FOXP2: variants seen among roughly 807,000 people sequenced by gnomAD.
FOXP2 encodes forkhead box P2, also known as forkhead box protein P2.
In FOXP2, 12 loss-of-function variants were observed where a neutral mutation model predicts 115.8. The observed-to-expected ratio is 0.10, with a 90% CI of 0.07 to 0.17. FOXP2 has a LOEUF of 0.17. Among genes scored for constraint, FOXP2 ranks in the 10% least tolerant of loss-of-function variants. The pLI is 1.00. For missense variants in FOXP2, 629 were observed against 843.5 expected, an observed-to-expected ratio of 0.75 and a Z score of 3.15; for synonymous variants, 328 against 297.7, an observed-to-expected ratio of 1.10 and a Z score of -1.05.
upstream of FOXP2, among the ~76,000 whole-genome samples, chr7:114,159,615 G>A (rs1259463600): frequency 6.6e-6 from 1 of 152,018 alleles, no homozygotes; most frequent in Non-Finnish European, 1.5e-5. Flanking sequence ...CTTCTGAGAG[G>A]GAAAGGGATA....
chr7:114,393,358 G>T (rs758765033), intron 2 of FOXP2, among the ~76,000 whole-genome samples: 77 of 151,878 alleles, frequency 5.1e-4, no homozygotes, highest in Non-Finnish European at 1.3e-4. Flanking sequence ...AATGGTAGGT[G>T]TCTGTTCCAG....
intron 2 of FOXP2, among the ~76,000 whole-genome samples, chr7:114,344,929 A>G (rs1791307827): frequency 6.6e-6 from 1 of 151,714 alleles, no homozygotes. Flanking sequence ...TTAAACCACC[A>G]TTTCCCTTTT....
Position 114,690,133 on chromosome 7 carries a change from T to A in FOXP2, c.*207T>A. On this transcript the variant is annotated 3_prime_UTR_variant, in exon 17 of 17. Transcript: ENST00000350908. ...TGTTTTCTTCTTCTTCTTCTTCTTT[T>A]TTTTTTTTTTTTTAGAAAAAAAGAC... The A allele has an allele frequency of 4.5e-6, 2 of 448,878 alleles. No homozygotes were observed. The highest frequency in any genetic ancestry group is 8.4e-6 in the Non-Finnish European group (2 of 237,726). 27.8% of individuals were successfully genotyped at this position (448,878 alleles called of 1,614,324 possible).
intron 1 of FOXP2, among the ~76,000 whole-genome samples, chr7:114,119,196 G>A (rs1295177109): frequency 6.6e-6 from 1 of 152,098 alleles, no homozygotes; most frequent in African/African-American, 2.4e-5. Context: ...ACCAGAGTCT[G>A]CTGAGTATTC....
At position 114,570,699 on chromosome 7, in the gene FOXP2, A is replaced by G. The variant is rs1167775657; in HGVS notation, c.258+35993A>G. The G allele has an allele frequency of 1.2e-5, 10 of 823,446 alleles. No individual in the cohort carries two copies. In the Admixed American group the frequency reaches 1.3e-4, roughly 11 times the overall value. The allele number at this position is 823,446 out of a possible 1,614,324, so 51.0% of individuals were successfully genotyped here. A position where few individuals can be genotyped will look rare whatever the true frequency, so the allele number is the denominator to read the frequency against. ...ATATTCTTCCCTATTTTGACCTACC[A>G]AGATAATAATTCCAAAAAATGATTT... is the stretch of plus-strand genomic sequence containing the variant. On this transcript the variant is annotated intron_variant, in intron 3 of 16. Transcript: ENST00000350908.
intron 2 of FOXP2, among the ~76,000 whole-genome samples, chr7:114,338,941 A>G (rs1791127101): frequency 6.6e-6 from 1 of 151,100 alleles, no homozygotes; most frequent in African/African-American, 2.4e-5. Flanking sequence ...AAAACTACCA[A>G]AACAGATCTA....
At chr7:114,153,447 A>G (rs949633568) in intron 1 of FOXP2, among the ~76,000 whole-genome samples, 1 of 152,168 alleles carries the variant, frequency 6.6e-6, no homozygotes, top group Non-Finnish European at 1.5e-5. Flanking sequence ...ATGACGTAGA[A>G]AGTAATGTTA....
chr7:114,154,446 A>AG (rs1266515711), intron 1 of FOXP2, among the ~76,000 whole-genome samples: 1 of 152,072 alleles, frequency 6.6e-6, no homozygotes, highest in African/African-American at 2.4e-5. Flanking sequence ...AATAAGTGTA[A>AG]GTACATCTCC....
Position 114,693,666 on chromosome 7 carries a change from G to C in FOXP2, c.*3740G>C. 2.5e-6 allele frequency: 1 copy of C among 407,974 alleles called. No homozygotes were observed. The highest frequency in any genetic ancestry group is 2.1e-5 in the African/African-American group (1 of 48,506). 25.3% of individuals were successfully genotyped at this position (407,974 alleles called of 1,614,324 possible). On this transcript the variant is annotated 3_prime_UTR_variant, in exon 17 of 17. Coordinates refer to ENST00000350908, the MANE Select transcript of FOXP2 (RefSeq NM_014491.4). ...ACTATAGAATTAATGTATGAACAGTGTGTCACTGCTGTTGGATGTAAAAAT... is the reference window on the plus strand; with the variant it reads ...ACTATAGAATTAATGTATGAACAGTCTGTCACTGCTGTTGGATGTAAAAAT...
At chr7:114,201,605 A>G (rs1266690920) in intron 1 of FOXP2, among the ~76,000 whole-genome samples, 1 of 152,172 alleles carries the variant, frequency 6.6e-6, no homozygotes, top group Non-Finnish European at 1.5e-5. Context: ...TTAAAGGATT[A>G]TAGTTGTTTT....
At chr7:114,578,356 A>C (rs932927997) in intron 3 of FOXP2, among the ~76,000 whole-genome samples, 1 of 151,952 alleles carries the variant, frequency 6.6e-6, no homozygotes, top group Non-Finnish European at 1.5e-5. Context: ...CTTAACATCT[A>C]TTTTCATCCT....
chr7:114,362,081 G>A (rs1256806257), intron 2 of FOXP2, among the ~76,000 whole-genome samples: 1 of 151,998 alleles, frequency 6.6e-6, no homozygotes, highest in Admixed American at 6.6e-5. Context: ...GCCAGGGAGG[G>A]GGTAAGGAGT....
At chr7:114,421,061 C>A (rs569037367) in intron 1 of FOXP2, among the ~76,000 whole-genome samples, 1 of 151,702 alleles carries the variant, frequency 6.6e-6, no homozygotes, top group African/African-American at 2.4e-5. Flanking sequence ...TTCAATTATA[C>A]TTCTGAAGGG....
At chr7:114,194,551 C>T (rs1419248525) in intron 1 of FOXP2, among the ~76,000 whole-genome samples, 2 of 151,922 alleles carry the variant, frequency 1.3e-5, no homozygotes, top group African/African-American at 4.8e-5. Flanking sequence ...GCGCTGAATC[C>T]TCATACTACA....
chr7:114,279,788 T>C (rs114225520), intron 1 of FOXP2, among the ~76,000 whole-genome samples: 6,646 of 152,060 alleles, frequency 0.044, 365 homozygotes, highest in African/African-American at 0.13. Flanking sequence ...GCATTGTTGC[T>C]TAGCATAGAA....
At chr7:114,404,462 T>C (rs1792983547) in intron 2 of FOXP2, among the ~76,000 whole-genome samples, 1 of 152,106 alleles carries the variant, frequency 6.6e-6, no homozygotes. Flanking sequence ...TTTTCCCTTA[T>C]ATATGAAGAT....
intron 1 of FOXP2, among the ~76,000 whole-genome samples, chr7:114,228,019 T>C (rs1056224358): frequency 6.6e-6 from 1 of 152,072 alleles, no homozygotes; most frequent in Non-Finnish European, 1.5e-5. Context: ...AGCAAAAGTA[T>C]GTTTCATTGG....
chr7:114,322,029 T>C (rs1355918641), intron 2 of FOXP2, among the ~76,000 whole-genome samples: 1 of 151,526 alleles, frequency 6.6e-6, no homozygotes, highest in African/African-American at 2.4e-5. Flanking sequence ...TTCCTTTTTT[T>C]TTTTTTTTTT....
intron 3 of FOXP2, among the ~76,000 whole-genome samples, chr7:114,577,805 AT>A (rs1156852989): frequency 6.6e-6 from 1 of 151,974 alleles, no homozygotes; most frequent in Non-Finnish European, 1.5e-5. Context: ...TATGTAGAAT[AT>A]TTAGTCTGGC....
Sources: allele counts gnomAD v4.1 joint callset (sites outside exome capture counted in the v4.1 genomes callset), GRCh38; gene constraint gnomAD v4.1.1; transcripts MANE v1.5; gene names NCBI Gene and HGNC (gene_info 2026-07-23, HGNC 2026-07-21).